The following CEACAM21 variants were observed in gnomAD, a reference collection of about 807,000 sequenced individuals.
CEACAM21 encodes the protein cell adhesion molecule CEACAM21.
Under a neutral mutation model 33.2 loss-of-function variants are expected in CEACAM21, and 38 were observed. The observed-to-expected ratio is 1.14, with a 90% CI of 0.88 to 1.50. The LOEUF is 1.50. CEACAM21 is among the 40% of genes most tolerant of loss of function. CEACAM21 has a pLI of 0.00. For missense variants in CEACAM21, 385 were observed against 364.6 expected, an observed-to-expected ratio of 1.06 and a Z score of -0.46; for synonymous variants, 156 against 143.0, an observed-to-expected ratio of 1.09 and a Z score of -0.65.
chr19:41,576,119 C>A, upstream of CEACAM21: 2 of 765,034 alleles, frequency 2.6e-6, no homozygotes, highest in Admixed American at 2.5e-5. Context: ...CAGAGCCCCG[C>A]CCTTGCCCAT....
At chr19:41,564,236 T>C (rs1482757530) in intron 1 of CEACAM21, among the ~76,000 whole-genome samples, 1 of 152,136 alleles carries the variant, frequency 6.6e-6, no homozygotes, top group East Asian at 1.9e-4. Flanking sequence ...TTCTGACACC[T>C]CCTGCTTAAA....
At chr19:41,577,680 G>T in intron 2 of CEACAM21, 121 bp downstream of exon 2, 1 of 1,416,324 alleles carries the variant, frequency 7.1e-7, no homozygotes, top group South Asian at 1.2e-5. Flanking sequence ...TGGGGTTTGG[G>T]CATTTAGTGC....
At chr19:41,575,089 AT>A (rs1239940053), upstream of CEACAM21, among the ~76,000 whole-genome samples, 8 of 152,252 alleles carry the variant, frequency 5.3e-5, no homozygotes, top group African/African-American at 1.9e-4. Context: ...CCAGAAAAAA[AT>A]AATACACGTA....
Position 41,576,242 on chromosome 19 carries a change from CCA to C in CEACAM21, c.-30_-29del. The C allele has an allele frequency of 6.2e-7, 1 of 1,612,562 alleles. No homozygotes were observed. Among genetic ancestry groups the C allele is most frequent in the Non-Finnish European group, 8.5e-7 (1 of 1,178,656 alleles). On this transcript the variant is annotated 5_prime_UTR_variant, in exon 1 of 7. Transcript: ENST00000401445. ...GCGTTCCTGGAGCCCAAGCTCCTCT[CCA>C]CAGAGGAGGACAGAGCAGGCAGCAG...
At chr19:41,564,145 A>C (rs2042088911) in intron 1 of CEACAM21, among the ~76,000 whole-genome samples, 1 of 152,092 alleles carries the variant, frequency 6.6e-6, no homozygotes, top group East Asian at 1.9e-4. Flanking sequence ...CAATGAAAAA[A>C]AGAACCCACA....
rs1451146783 is a variant in CEACAM21 at position 41,559,650 on chromosome 19, G to GA, written c.-778-5027dup. Among the ~76,000 whole-genome samples the GA allele has an allele frequency of 2.0e-5, 3 of 152,160 alleles. No individual in the cohort carries two copies. The East Asian group carries it at 5.8e-4, about 29-fold the overall frequency. ...AGCAAAGTTCCAGCAGGATTATTAAGAAAAAGTGAGAGAAGACGCCAGTAC... is the reference window on the plus strand; with the variant it reads ...AGCAAAGTTCCAGCAGGATTATTAAGAAAAAAGTGAGAGAAGACGCCAGTAC... On this transcript the variant is annotated intron_variant, in intron 1 of 7. Transcript: ENST00000407170.
chr19:41,575,699 C>T (rs1555790752), upstream of CEACAM21, among the ~76,000 whole-genome samples: 1 of 152,110 alleles, frequency 6.6e-6, no homozygotes, highest in Non-Finnish European at 1.5e-5. Flanking sequence ...GACCTCCAGG[C>T]CTGGGTCTCT....
At chr19:41,578,472 C>G (rs2043121887) in intron 2 of CEACAM21, among the ~76,000 whole-genome samples, 1 of 152,178 alleles carries the variant, frequency 6.6e-6, no homozygotes, top group Non-Finnish European at 1.5e-5. Flanking sequence ...GAAATTGCAT[C>G]AGCATCACAC....
chr19:41,579,608 C>A lies in CEACAM21; in HGVS notation c.680C>A (p.Pro227His). Reference protein sequence around the residue: ...SNPVSSNRSDPLKLTVKSDDN... With the variant: ...SNPVSSNRSDHLKLTVKSDDN... Reference sequence around the variant, plus strand: ...CCAGTCAGCTCCAACAGGAGCGACCCCCTCAAGCTGACTGTAAAATGTGAG... The same window carrying A: ...CCAGTCAGCTCCAACAGGAGCGACCACCTCAAGCTGACTGTAAAATGTGAG... Residue 227 changes from proline to histidine, a missense_variant, in exon 3 of 7, where the codon CCC (proline) becomes CAC (histidine). Coordinates refer to ENST00000401445, the MANE Select transcript of CEACAM21 (RefSeq NM_001098506.4). The A allele has an allele frequency of 6.4e-7, 1 of 1,563,780 alleles. No individual in the cohort carries two copies. The highest frequency in any genetic ancestry group is 8.7e-7 in the Non-Finnish European group (1 of 1,152,908).
At chr19:41,554,717 A>G (rs1226888524) in intron 1 of CEACAM21, among the ~76,000 whole-genome samples, 1 of 152,038 alleles carries the variant, frequency 6.6e-6, no homozygotes, top group Non-Finnish European at 1.5e-5. Flanking sequence ...TAGACTTTCT[A>G]TAACCCTTTA....
At chr19:41,556,937 TA>T (rs1555785742) in intron 1 of CEACAM21, among the ~76,000 whole-genome samples, 1 of 152,226 alleles carries the variant, frequency 6.6e-6, no homozygotes, top group Non-Finnish European at 1.5e-5. Flanking sequence ...TTGTTTAGAA[TA>T]AAGGAATCTA....
intron 1 of CEACAM21, among the ~76,000 whole-genome samples, chr19:41,561,640 C>T (rs1755642048): frequency 6.6e-6 from 1 of 152,164 alleles, no homozygotes; most frequent in Non-Finnish European, 1.5e-5. Flanking sequence ...AACAAGGGGG[C>T]AATTGCCTAC....
chr19:41,570,017 C>A (rs1240313020), intron 2 of CEACAM21, among the ~76,000 whole-genome samples: 4 of 152,156 alleles, frequency 2.6e-5, no homozygotes, highest in African/African-American at 9.7e-5. Flanking sequence ...ACAAGGGAGC[C>A]TAGAGCGGGC....
upstream of CEACAM21, among the ~76,000 whole-genome samples, chr19:41,573,438 C>T (rs1322525539): frequency 6.6e-6 from 1 of 152,222 alleles, no homozygotes; most frequent in East Asian, 1.9e-4. Flanking sequence ...TTTCACCCTG[C>T]TGAGCCCTGC....
chr19:41,576,336 C>T lies in CEACAM21; in HGVS notation c.62C>T (p.Thr21Ile), dbSNP rs1555791014. 1.2e-6 allele frequency: 2 copies of T among 1,610,064 alleles called. No homozygotes were observed. Among genetic ancestry groups the T allele is most frequent in the Non-Finnish European group, 1.7e-6 (2 of 1,177,816 alleles). The change falls in exon 1 of 7, where the codon ACA becomes ATA. Residue 21 changes from threonine (T) to isoleucine (I), a missense_variant and splice_region_variant. Transcript: ENST00000401445. The part of the protein sequence containing the change: ...ECIPWQGLLL[T>I]ASLLTFWNAP... ...ATCCCCTGGCAGGGGCTCTTGCTCA[C>T]AGGTGAGGGGAGGACTCCCTGGGAG...
At chr19:41,573,112 G>A (rs958826276), upstream of CEACAM21, among the ~76,000 whole-genome samples, 1 of 152,170 alleles carries the variant, frequency 6.6e-6, no homozygotes, top group African/African-American at 2.4e-5. Flanking sequence ...GAGAGCCCGG[G>A]TCCCTTCCTT....
intron 1 of CEACAM21, among the ~76,000 whole-genome samples, chr19:41,556,649 G>A (rs561507651): frequency 1.3e-5 from 2 of 152,232 alleles, no homozygotes; most frequent in South Asian, 2.1e-4. Flanking sequence ...CAAATGCCAC[G>A]CAAACATTAA....
chr19:41,570,893 G>A (rs1257964355), intron 2 of CEACAM21, among the ~76,000 whole-genome samples: 1 of 152,180 alleles, frequency 6.6e-6, no homozygotes, highest in African/African-American at 2.4e-5. Flanking sequence ...AGTTCAGGTG[G>A]AGGGGACTGA....
At chr19:41,570,344 C>G (rs531886851) in intron 2 of CEACAM21, among the ~76,000 whole-genome samples, 22 of 152,286 alleles carry the variant, frequency 1.4e-4, no homozygotes, top group Admixed American at 2.6e-4. Context: ...GCTGGCAACC[C>G]TGGATGGGCT....
Sources: gnomAD v4.1 joint callset for allele counts (sites outside exome capture counted in the v4.1 genomes callset) on GRCh38, gnomAD v4.1.1 for gene constraint, MANE v1.5 for transcripts, NCBI Gene and HGNC (gene_info 2026-07-23, HGNC 2026-07-21) for gene names.